Variants in LSM4 observed in about 807,000 individuals in gnomAD.
LSM4 encodes the protein U6 snRNA-associated Sm-like protein LSm4.
LSM4 carries 15 observed loss-of-function variants against 22.3 expected under a neutral mutation model. That is an observed-to-expected ratio of 0.67 (90% confidence interval 0.45 to 1.03). The LOEUF (loss-of-function observed/expected upper bound fraction) is 1.03, where lower values mean the gene tolerates loss of function less well. Ranked by LOEUF, LSM4 falls within the 50% of genes least tolerant of loss-of-function variation. The pLI is 0.00. For synonymous variants in LSM4, 90 were observed against 79.8 expected (o/e 1.13, Z -0.68); for missense variants, 127 against 198.0 (o/e 0.64, Z 2.15).
intron 1 of LSM4, among the ~76,000 whole-genome samples, chr19:18,322,728 T>A (rs1970437975): frequency 7.0e-6 from 1 of 142,012 alleles, no homozygotes; most frequent in Admixed American, 7.0e-5. Context: ...GATCCCCACC[T>A]TTTTTTTTTT....
intron 1 of LSM4, among the ~76,000 whole-genome samples, chr19:18,322,453 C>G (rs1970434920): frequency 6.6e-6 from 1 of 152,120 alleles, no homozygotes; most frequent in Non-Finnish European, 1.5e-5. Context: ...GCTCAAAACG[C>G]CCCCTTCCGC....
intron 1 of LSM4, 33 bp downstream of exon 1, chr19:18,322,985 C>A (rs765101978): frequency 6.3e-7 from 1 of 1,591,744 alleles, no homozygotes; most frequent in Admixed American, 1.7e-5. Context: ...GTTCCCGCCT[C>A]CCGGTGAGAC....
At chr19:18,312,748 G>A (rs1196875614) in intron 2 of LSM4, 46 bp from the exon 3 acceptor site, 3 of 1,420,786 alleles carry the variant, frequency 2.1e-6, no homozygotes, top group Admixed American at 1.7e-5. Context: ...CTGGAGCCCT[G>A]CGCCATGGGC....
intron 3 of LSM4, chr19:18,310,170 T>G (rs1970283432): frequency 2.6e-6 from 1 of 377,892 alleles, no homozygotes; most frequent in Non-Finnish European, 4.8e-6. Flanking sequence ...TGACTGGGGC[T>G]CCCTCCAGCC....
intron 1 of LSM4, among the ~76,000 whole-genome samples, chr19:18,321,310 C>T (rs1037619002): frequency 5.3e-5 from 8 of 152,184 alleles, no homozygotes; most frequent in African/African-American, 1.7e-4. Context: ...CCAACTCTGC[C>T]CTCTAAGTAC....
intron 2 of LSM4, among the ~76,000 whole-genome samples, chr19:18,312,964 T>G (rs1970314859): frequency 6.6e-6 from 1 of 152,218 alleles, no homozygotes; most frequent in Non-Finnish European, 1.5e-5. Context: ...CTCACGCCTG[T>G]AATCCCAGCA....
At chr19:18,310,387 G>C (rs913751645) in intron 3 of LSM4, among the ~76,000 whole-genome samples, 2 of 152,226 alleles carry the variant, frequency 1.3e-5, no homozygotes, top group Non-Finnish European at 2.9e-5. Flanking sequence ...TGGGTGCAGG[G>C]ACATGCGAGC....
chr19:18,311,847 C>G (rs1034494010), intron 3 of LSM4, among the ~76,000 whole-genome samples: 2 of 152,174 alleles, frequency 1.3e-5, no homozygotes, highest in South Asian at 2.1e-4. Context: ...AGCGCCTCCC[C>G]CCTCGAGCCC....
At position 18,317,461 on chromosome 19, in the gene LSM4, T is replaced by C. The variant is rs919043395; in HGVS notation, c.4-1396A>G. On this transcript the variant is annotated intron_variant, in intron 1 of 4. Transcript: ENST00000593829. ...CATTCTCCTGCCTCAGCCTCCCGAG[T>C]AGCTGGGACTACAGGCGCCCACCAC... 2.0e-5 allele frequency among the ~76,000 whole-genome samples: 3 copies of C among 151,648 alleles called. No homozygotes were observed. The South Asian group carries it at 6.2e-4, about 32-fold the overall frequency.
intron 1 of LSM4, among the ~76,000 whole-genome samples, chr19:18,321,823 A>C (rs1269455901): frequency 2.0e-5 from 3 of 152,136 alleles, no homozygotes; most frequent in Admixed American, 6.5e-5. Context: ...AGAAGACAGC[A>C]AGAAAACCTC....
intron 4 of LSM4, chr19:18,309,378 G>T: frequency 2.4e-6 from 1 of 418,810 alleles, no homozygotes; most frequent in Non-Finnish European, 4.2e-6. Flanking sequence ...GTTCCAAGTG[G>T]AGTTGCCAGC....
chr19:18,321,462 T>C (rs1970423769), intron 1 of LSM4, among the ~76,000 whole-genome samples: 3 of 152,226 alleles, frequency 2.0e-5, no homozygotes, highest in Admixed American at 1.3e-4. Context: ...TCTTTGCTTA[T>C]TCCTAGGTAT....
At chr19:18,309,073 C>T (rs566693385) in intron 4 of LSM4, among the ~76,000 whole-genome samples, 83 of 152,206 alleles carry the variant, frequency 5.5e-4, no homozygotes, top group African/African-American at 1.9e-3. Flanking sequence ...GCCCCTCCCT[C>T]GGGCTCACTC....
At chr19:18,309,450 A>C in intron 4 of LSM4, 1 of 548,706 alleles carries the variant, frequency 1.8e-6, no homozygotes, top group South Asian at 2.5e-5. Flanking sequence ...TGGGGAGGTG[A>C]CTTGATGTGC....
intron 1 of LSM4, 176 bp from the exon 2 acceptor site, chr19:18,316,241 C>G (rs1970355514): frequency 1.9e-6 from 1 of 536,372 alleles, no homozygotes; most frequent in Non-Finnish European, 3.4e-6. Context: ...CCCTGGAACA[C>G]ACACCTGCCT....
At chr19:18,320,129 C>CTCCTACA (rs1970409740) in intron 1 of LSM4, among the ~76,000 whole-genome samples, 1 of 152,184 alleles carries the variant, frequency 6.6e-6, no homozygotes, top group Non-Finnish European at 1.5e-5. Context: ...ATCTTGATTT[C>CTCCTACA]TCCTACATCC....
chr19:18,308,426 T>C (rs190830638), intron 4 of LSM4, among the ~76,000 whole-genome samples: 53 of 152,348 alleles, frequency 3.5e-4, no homozygotes, highest in African/African-American at 1.2e-3. Context: ...TTCAGAGAAC[T>C]TTCTAGCTGG....
chr19:18,310,113 G>C, intron 3 of LSM4: 1 of 520,378 alleles, frequency 1.9e-6, no homozygotes. Context: ...CACTCACAAG[G>C]AAGACTGGCT....
In LSM4 at chr19:18,311,048, G is replaced by A. The variant is rs1021596701; in HGVS notation, c.145-1187C>T. Among the ~76,000 whole-genome samples, 11 of 152,320 alleles carry A rather than the reference G, an allele frequency of 7.2e-5. No homozygotes were observed. In the South Asian group the frequency reaches 8.3e-4, roughly 11 times the overall value. ...GTGGCCTGGCCTAGCGCTGGGCGGG[G>A]AGGAACAGCCCCTTTGGGTGCTCAC... is the stretch of plus-strand genomic sequence containing the variant. On this transcript the variant is annotated intron_variant, in intron 3 of 4. Transcript: ENST00000593829.
Sources: gnomAD v4.1 joint callset for allele counts (sites outside exome capture counted in the v4.1 genomes callset) on GRCh38, gnomAD v4.1.1 for gene constraint, MANE v1.5 for transcripts, NCBI Gene and HGNC (gene_info 2026-07-23, HGNC 2026-07-21) for gene names.